STAB2: variants seen among roughly 807,000 people sequenced by gnomAD.
The protein encoded by STAB2 is stabilin 2.
Under a neutral mutation model 338.1 loss-of-function variants are expected in STAB2, and 288 were observed. The observed-to-expected ratio is 0.85, with a 90% confidence interval of 0.77 to 0.94. The LOEUF (loss-of-function observed/expected upper bound fraction) is 0.94. Ranked by LOEUF, STAB2 falls within the 40% of genes least tolerant of loss-of-function variation. The probability of loss-of-function intolerance (pLI) is 0.00; values close to 1 mark genes in which losing one functional copy is unlikely to be tolerated. For missense variants in STAB2, 3,141 were observed against 3,210.1 expected (o/e 0.98, Z 0.52); for synonymous variants, 1,202 against 1,193.3 (o/e 1.01, Z -0.15).
At chr12:103,712,237 C>G in intron 40 of STAB2, 130 bp from the exon 41 acceptor site, 2 of 761,098 alleles carry the variant, frequency 2.6e-6, no homozygotes, top group East Asian at 2.5e-5. Context: ...TTCTCCCAAG[C>G]CTTAGGCAGG....
chr12:103,757,081 T>C (rs922086898), intron 63 of STAB2, among the ~76,000 whole-genome samples: 26 of 149,092 alleles, frequency 1.7e-4, no homozygotes, highest in African/African-American at 6.1e-4. Context: ...ATTATATATT[T>C]ATATATATTT....
chr12:103,716,462 T>G (rs1213098139), intron 43 of STAB2, among the ~76,000 whole-genome samples: 1 of 152,118 alleles, frequency 6.6e-6, no homozygotes. Context: ...TTCTGCCACA[T>G]GGTGAACAAG....
At chr12:103,591,853 G>A (rs1956803067) in intron 2 of STAB2, among the ~76,000 whole-genome samples, 4 of 152,296 alleles carry the variant, frequency 2.6e-5, no homozygotes, top group Admixed American at 2.0e-4. Context: ...CAGCCATGGG[G>A]CTCAACTGCA....
At chr12:103,640,924 G>A (rs1872880077) in intron 9 of STAB2, among the ~76,000 whole-genome samples, 1 of 152,168 alleles carries the variant, frequency 6.6e-6, no homozygotes, top group Non-Finnish European at 1.5e-5. Flanking sequence ...TTGTTGTGAT[G>A]ATTACATGAG....
At chr12:103,733,904 T>G (rs919683871) in intron 51 of STAB2, among the ~76,000 whole-genome samples, 13 of 148,766 alleles carry the variant, frequency 8.7e-5, no homozygotes, top group Non-Finnish European at 1.8e-4. Context: ...GCAAGCACAA[T>G]CACATAGGAG....
intron 15 of STAB2, among the ~76,000 whole-genome samples, chr12:103,659,582 C>A (rs376390354): frequency 1.3e-5 from 2 of 152,202 alleles, no homozygotes; most frequent in Non-Finnish European, 2.9e-5. Context: ...AGATAAATTA[C>A]AGCAGACCAC....
At chr12:103,688,049 C>T (rs908989734) in intron 27 of STAB2, 119 bp from the exon 28 acceptor site, 8 of 949,992 alleles carry the variant, frequency 8.4e-6, no homozygotes, top group Non-Finnish European at 1.0e-5. Flanking sequence ...GACAACGAGC[C>T]TAGCCCCAGG....
intron 34 of STAB2, among the ~76,000 whole-genome samples, chr12:103,700,528 G>A (rs1878770797): frequency 6.6e-6 from 1 of 152,132 alleles, no homozygotes. Flanking sequence ...ATTTTTCTCA[G>A]ACTCCTACAG....
At chr12:103,603,287 G>T (rs1593128166) in intron 3 of STAB2, among the ~76,000 whole-genome samples, 1 of 152,204 alleles carries the variant, frequency 6.6e-6, no homozygotes, top group Non-Finnish European at 1.5e-5. Context: ...AGCCAGGATG[G>T]TCTCGATCTC....
At chr12:103,714,913 T>A (rs145456256) in intron 42 of STAB2, among the ~76,000 whole-genome samples, 11 of 152,338 alleles carry the variant, frequency 7.2e-5, no homozygotes, top group African/African-American at 2.6e-4. Flanking sequence ...TTACCATTCA[T>A]ATTCTAATTT....
intron 55 of STAB2, among the ~76,000 whole-genome samples, chr12:103,741,940 C>A (rs941834359): frequency 6.6e-6 from 1 of 152,206 alleles, no homozygotes; most frequent in Non-Finnish European, 1.5e-5. Flanking sequence ...CCCTCCATCA[C>A]TAAAGTGTGG....
intron 10 of STAB2, among the ~76,000 whole-genome samples, chr12:103,650,044 T>G (rs556035114): frequency 3.8e-4 from 58 of 152,212 alleles, no homozygotes; most frequent in Admixed American, 3.7e-3. Flanking sequence ...GTAGGATTCT[T>G]TGTTCAAAAT....
intron 61 of STAB2, among the ~76,000 whole-genome samples, chr12:103,754,664 T>G (rs1883957078): frequency 1.3e-5 from 2 of 151,984 alleles, no homozygotes; most frequent in Non-Finnish European, 2.9e-5. Context: ...GAATTAGAGT[T>G]CTAGGCCAGG....
At chr12:103,643,898 C>A (rs1333133360) in intron 9 of STAB2, among the ~76,000 whole-genome samples, 12 of 132,426 alleles carry the variant, frequency 9.1e-5, no homozygotes, top group African/African-American at 3.4e-4. Context: ...GCCCGGCCGC[C>A]CCTACTGGGA....
chr12:103,631,480 G>A, intron 5 of STAB2, 118 bp from the exon 6 acceptor site: 1 of 941,262 alleles, frequency 1.1e-6, no homozygotes, highest in South Asian at 1.8e-5. Context: ...AGAGAGAGGA[G>A]CCAAAGTTCA....
chr12:103,719,124 C>T (rs182270867), intron 44 of STAB2, among the ~76,000 whole-genome samples: 2 of 152,254 alleles, frequency 1.3e-5, no homozygotes, highest in South Asian at 2.1e-4. Flanking sequence ...GCCTAATTGT[C>T]CCAGGCCTGG....
Position 103,645,298 on chromosome 12 carries a change from A to C in STAB2, c.1041-3392A>C, listed in dbSNP as rs1873247607. On this transcript the variant is annotated intron_variant, in intron 9 of 68. Coordinates refer to ENST00000388887, the MANE Select transcript of STAB2 (RefSeq NM_017564.10). Reference sequence around the variant, plus strand: ...CAGTTAAGTCAGAAACTGGTCTCATAACGTCTCAGACTTTGGACTGAGATT... The same window carrying C: ...CAGTTAAGTCAGAAACTGGTCTCATCACGTCTCAGACTTTGGACTGAGATT... Among the ~76,000 whole-genome samples the C allele has an allele frequency of 2.0e-5, 3 of 152,266 alleles. No homozygotes were observed. The South Asian group carries it at 6.2e-4, about 31-fold the overall frequency.
chr12:103,672,367 G>A (rs946790334), intron 22 of STAB2, among the ~76,000 whole-genome samples: 1 of 152,194 alleles, frequency 6.6e-6, no homozygotes, highest in Admixed American at 6.5e-5. Context: ...GGCCAGCCGG[G>A]CAGGACACCA....
chr12:103,689,494 G>GAA (rs11315983), intron 28 of STAB2, among the ~76,000 whole-genome samples: 3 of 145,256 alleles, frequency 2.1e-5, no homozygotes, highest in African/African-American at 7.7e-5. Flanking sequence ...AAAAAAAAAA[G>GAA]AAAAAAAAAA....
Sources: gnomAD v4.1 joint callset for allele counts (sites outside exome capture counted in the v4.1 genomes callset) on GRCh38, gnomAD v4.1.1 for gene constraint, MANE v1.5 for transcripts, NCBI Gene and HGNC (gene_info 2026-07-23, HGNC 2026-07-21) for gene names.